Variants in ARL15 observed in about 807,000 individuals in gnomAD.
The protein encoded by ARL15 is ARF like GTPase 15.
ARL15 carries 19 observed loss-of-function variants against 25.2 expected under a neutral mutation model. That is an observed-to-expected ratio of 0.75 (90% CI 0.53 to 1.10). ARL15 has a LOEUF of 1.10. ARL15 is among the 50% of genes least tolerant of loss of function. The probability of loss-of-function intolerance (pLI) is 0.00; values close to 1 mark genes in which losing one functional copy is unlikely to be tolerated. For synonymous variants in ARL15, 94 were observed against 86.8 expected (o/e 1.08, Z -0.46); for missense variants, 220 against 246.0 (o/e 0.89, Z 0.71).
intron 1 of ARL15, among the ~76,000 whole-genome samples, chr5:54,240,846 C>T (rs1447460149): frequency 2.0e-5 from 3 of 152,160 alleles, no homozygotes; most frequent in African/African-American, 7.2e-5. Flanking sequence ...AGAAAGTGTT[C>T]ATTGAAGGTT....
At chr5:54,126,725 G>A (rs1012152556) in intron 3 of ARL15, among the ~76,000 whole-genome samples, 20 of 152,232 alleles carry the variant, frequency 1.3e-4, no homozygotes, top group African/African-American at 4.6e-4. Context: ...TTCTGCCACA[G>A]GATAACACGG....
At chr5:54,153,494 A>G (rs554250919) in intron 3 of ARL15, among the ~76,000 whole-genome samples, 4 of 152,334 alleles carry the variant, frequency 2.6e-5, no homozygotes, top group African/African-American at 9.6e-5. Context: ...AAAACTTTGC[A>G]TAGAAAAATT....
intron 4 of ARL15, among the ~76,000 whole-genome samples, chr5:53,960,734 C>T (rs1393315197): frequency 6.6e-6 from 1 of 152,192 alleles, no homozygotes; most frequent in Non-Finnish European, 1.5e-5. Context: ...TTAAGTGATT[C>T]TTCCAAAGTC....
chr5:53,973,198 A>G (rs1438808081), intron 4 of ARL15, among the ~76,000 whole-genome samples: 4 of 151,060 alleles, frequency 2.6e-5, no homozygotes, highest in Admixed American at 6.7e-5. Context: ...TTTACAGCAG[A>G]TATAAACTTG....
intron 4 of ARL15, among the ~76,000 whole-genome samples, chr5:54,108,470 A>G (rs1752650168): frequency 1.3e-5 from 2 of 152,174 alleles, no homozygotes; most frequent in South Asian, 2.1e-4. Context: ...GATTTAGAGT[A>G]TATGACACTT....
chr5:53,895,754 T>C (rs957953593), intron 4 of ARL15, among the ~76,000 whole-genome samples: 1 of 151,492 alleles, frequency 6.6e-6, no homozygotes, highest in African/African-American at 2.4e-5. Flanking sequence ...GGTGCATTTA[T>C]AAACTAAGTT....
chr5:54,264,696 C>G (rs923502943), intron 1 of ARL15, among the ~76,000 whole-genome samples: 8 of 152,074 alleles, frequency 5.3e-5, no homozygotes, highest in Admixed American at 3.9e-4. Context: ...ATAGGCTGTT[C>G]CTTCTGCCAG....
At chr5:54,162,075 G>A (rs773874690) in intron 2 of ARL15, among the ~76,000 whole-genome samples, 59 of 151,560 alleles carry the variant, frequency 3.9e-4, no homozygotes, top group Non-Finnish European at 8.1e-4. Context: ...CTGGACCTGG[G>A]CAGTAAGTTT....
At chr5:54,224,943 G>A (rs1428538991) in intron 1 of ARL15, among the ~76,000 whole-genome samples, 1 of 152,184 alleles carries the variant, frequency 6.6e-6, no homozygotes, top group African/African-American at 2.4e-5. Context: ...CAAGTCCTGT[G>A]TGAATCTAAT....
chr5:54,020,165 C>A (rs574621590), intron 4 of ARL15, among the ~76,000 whole-genome samples: 44 of 152,342 alleles, frequency 2.9e-4, no homozygotes, highest in Non-Finnish European at 5.4e-4. Context: ...GACCCTCCCC[C>A]TCTCACACTG....
intron 2 of ARL15, among the ~76,000 whole-genome samples, chr5:54,164,595 C>T (rs1468647879): frequency 6.6e-6 from 1 of 152,006 alleles, no homozygotes; most frequent in Non-Finnish European, 1.5e-5. Flanking sequence ...TAAATGATCC[C>T]TTCATCATTA....
intron 4 of ARL15, among the ~76,000 whole-genome samples, chr5:54,088,030 T>C (rs140857712): frequency 6.6e-6 from 1 of 152,194 alleles, no homozygotes; most frequent in African/African-American, 2.4e-5. Flanking sequence ...TATTAGCTGA[T>C]TGATTGTACA....
intron 1 of ARL15, among the ~76,000 whole-genome samples, chr5:54,263,069 C>T (rs921880046): frequency 2.6e-5 from 4 of 152,046 alleles, no homozygotes; most frequent in Admixed American, 2.6e-4. Context: ...AATGTTAAGG[C>T]AGAGACTGCA....
At chr5:53,976,159 A>T (rs1449762029) in intron 4 of ARL15, among the ~76,000 whole-genome samples, 1 of 152,142 alleles carries the variant, frequency 6.6e-6, no homozygotes, top group East Asian at 1.9e-4. Flanking sequence ...ATAAGACATA[A>T]TCCCTGCACT....
At chr5:54,284,222 GC>G (rs1424263443) in intron 1 of ARL15, among the ~76,000 whole-genome samples, 6 of 152,128 alleles carry the variant, frequency 3.9e-5, no homozygotes, top group Non-Finnish European at 7.4e-5. Flanking sequence ...TCCCACCTGA[GC>G]CTCCCAAGTA....
At position 53,971,516 on chromosome 5, in the gene ARL15, T is replaced by C. The variant is rs957685448; in HGVS notation, c.463-84803A>G. On this transcript the variant is annotated intron_variant, in intron 4 of 4. Transcript: ENST00000504924. ...CTCTGTAGCACTAACGTTCAGGTTA[T>C]ATGACTAGAAATTATTGAGTACATT... Among the ~76,000 whole-genome samples the C allele has an allele frequency of 2.6e-5, 4 of 152,276 alleles. No homozygotes were observed. The East Asian group carries it at 7.7e-4, about 29-fold the overall frequency.
chr5:53,949,853 T>C (rs1746886180), intron 4 of ARL15, among the ~76,000 whole-genome samples: 2 of 152,180 alleles, frequency 1.3e-5, no homozygotes, highest in Non-Finnish European at 2.9e-5. Flanking sequence ...ACTGCTCGTA[T>C]GTGAAGAGTG....
intron 4 of ARL15, among the ~76,000 whole-genome samples, chr5:53,994,108 T>C (rs552073781): frequency 6.6e-6 from 1 of 152,092 alleles, no homozygotes; most frequent in African/African-American, 2.4e-5. Flanking sequence ...GATGCCACTT[T>C]GGGACCCTTG....
At chr5:54,302,657 C>T (rs956151858) in intron 1 of ARL15, among the ~76,000 whole-genome samples, 4 of 146,348 alleles carry the variant, frequency 2.7e-5, no homozygotes, top group South Asian at 2.2e-4. Context: ...AAAATGAAAA[C>T]GCAAAGCACC....
Sources: allele counts gnomAD v4.1 joint callset (sites outside exome capture counted in the v4.1 genomes callset), GRCh38; gene constraint gnomAD v4.1.1; transcripts MANE v1.5; gene names NCBI Gene and HGNC (gene_info 2026-07-23, HGNC 2026-07-21).